ZNF841: variants seen among roughly 807,000 people sequenced by gnomAD.
ZNF841 encodes TCONS_00006091.
ZNF841 carries 11 observed loss-of-function variants against 13.0 expected under a neutral mutation model. That is an observed-to-expected ratio of 0.85 (90% confidence interval 0.53 to 1.40). ZNF841 has a LOEUF of 1.40. Among genes scored for constraint, ZNF841 ranks in the 40% most tolerant of loss-of-function variants. ZNF841 has a pLI of 0.00. For missense variants in ZNF841, 1,068 were observed against 1,139.5 expected (o/e 0.94, Z 0.90); for synonymous variants, 369 against 381.6 (o/e 0.97, Z 0.38).
intron 6 of ZNF841, among the ~76,000 whole-genome samples, chr19:52,070,374 G>A (rs1382816650): frequency 1.3e-5 from 2 of 152,166 alleles, no homozygotes; most frequent in Admixed American, 6.5e-5. Context: ...TGCCTGTAGT[G>A]GACAAGGGCC....
chr19:52,077,384 C>T (rs116186151), intron 4 of ZNF841, among the ~76,000 whole-genome samples: 2 of 152,248 alleles, frequency 1.3e-5, no homozygotes, highest in African/African-American at 4.8e-5. Context: ...GTGAGGTGTC[C>T]AGATGAGCTA....
In ZNF841 at chr19:52,067,068, C is replaced by T; in HGVS notation, c.814G>A (p.Val272Met). The change falls in exon 7 of 7, where the codon GTG (valine) becomes ATG (methionine). Residue 272 changes from valine (V) to methionine (M), a missense_variant. Physicochemically the swap from Val to Met is conservative, Grantham distance 21. Coordinates refer to ENST00000594440, the MANE Select transcript of ZNF841 (RefSeq NM_001136499.2). The part of the protein sequence containing the change: ...IGNECGKAFR[V>M]SSSLINHQMI... ...TGATGATTAATAAGACTTGAAGACA[C>T]TCTGAAGGCTTTGCCACACTCATTA... 1 of 1,608,988 alleles carries T rather than the reference C, an allele frequency of 6.2e-7. No individual in the cohort carries two copies. Among genetic ancestry groups the T allele is most frequent in the South Asian group, 1.1e-5 (1 of 90,466 alleles).
chr19:52,060,682 A>G (rs2087382120), downstream of ZNF841, among the ~76,000 whole-genome samples: 1 of 152,266 alleles, frequency 6.6e-6, no homozygotes, highest in South Asian at 2.1e-4. Flanking sequence ...CCTGCCCAGA[A>G]AGGGAAAAGA....
intron 6 of ZNF841, among the ~76,000 whole-genome samples, chr19:52,074,650 G>A (rs966366180): frequency 1.3e-4 from 20 of 152,144 alleles, no homozygotes; most frequent in Non-Finnish European, 2.5e-4. Flanking sequence ...CCGAGTAGCT[G>A]GGATTACAGG....
intron 4 of ZNF841, among the ~76,000 whole-genome samples, chr19:52,084,549 C>T (rs2088206704): frequency 6.6e-6 from 1 of 152,184 alleles, no homozygotes; most frequent in Non-Finnish European, 1.5e-5. Context: ...CCATCCATGT[C>T]TGGGTGTGAG....
intron 3 of ZNF841, among the ~76,000 whole-genome samples, chr19:52,086,635 G>A (rs866367233): frequency 7.2e-5 from 11 of 152,170 alleles, no homozygotes; most frequent in African/African-American, 2.7e-4. Flanking sequence ...AAAGACAGTG[G>A]GTGTGGACAG....
chr19:52,064,307 C>T (rs1023397176), downstream of ZNF841, among the ~76,000 whole-genome samples: 7 of 133,576 alleles, frequency 5.2e-5, no homozygotes, highest in Non-Finnish European at 1.1e-4. Context: ...GATTGCGCCA[C>T]TGCAGTCCGC....
intron 1 of ZNF841, 62 bp from the exon 2 acceptor site, chr19:52,094,033 C>T (rs2088592011): frequency 6.6e-6 from 1 of 152,012 alleles, no homozygotes; most frequent in Non-Finnish European, 1.5e-5. Context: ...CCAAAAAAAA[C>T]ACCAAAGACA....
intron 4 of ZNF841, 46 bp from the exon 5 acceptor site, chr19:52,077,130 A>T (rs1182635846): frequency 2.6e-6 from 4 of 1,547,816 alleles, no homozygotes; most frequent in Non-Finnish European, 3.5e-6. Flanking sequence ...GTGAGCTCTT[A>T]TCTTTACATA....
chr19:52,094,496 G>C (rs1043329876), intron 1 of ZNF841, among the ~76,000 whole-genome samples: 13 of 151,456 alleles, frequency 8.6e-5, no homozygotes, highest in Non-Finnish European at 1.6e-4. Context: ...TTCACCTCTC[G>C]TAGCTCTTTC....
At chr19:52,076,865 T>C (rs2123287386) in intron 5 of ZNF841, 93 bp downstream of exon 5, 2 of 1,483,772 alleles carry the variant, frequency 1.3e-6, no homozygotes, top group Admixed American at 1.9e-5. Context: ...TCAGTCTCTG[T>C]CAAATAATGT....
downstream of ZNF841, among the ~76,000 whole-genome samples, chr19:52,061,629 C>A (rs1456604466): frequency 3.3e-5 from 5 of 152,206 alleles, no homozygotes; most frequent in Admixed American, 6.5e-5. Context: ...TCACTGCAAC[C>A]TCCACCTCCC....
chr19:52,093,384 G>A (rs1337213261), intron 2 of ZNF841, among the ~76,000 whole-genome samples: 1 of 152,148 alleles, frequency 6.6e-6, no homozygotes, highest in Non-Finnish European at 1.5e-5. Context: ...GACAATTACT[G>A]TATGACCTCA....
At chr19:52,059,560 T>A (rs2087363951), downstream of ZNF841, among the ~76,000 whole-genome samples, 1 of 151,820 alleles carries the variant, frequency 6.6e-6, no homozygotes, top group Non-Finnish European at 1.5e-5. Flanking sequence ...TGTGCAAGTA[T>A]ATCAACAGGA....
At chr19:52,072,740 A>T (rs1600086138) in intron 6 of ZNF841, among the ~76,000 whole-genome samples, 1 of 152,232 alleles carries the variant, frequency 6.6e-6, no homozygotes, top group South Asian at 2.1e-4. Context: ...AATCGCTTGA[A>T]CCCAGGAAGT....
intron 5 of ZNF841, among the ~76,000 whole-genome samples, chr19:52,076,756 A>G (rs532818747): frequency 1.3e-5 from 2 of 152,236 alleles, no homozygotes; most frequent in East Asian, 3.9e-4. Context: ...TGGAGTCACC[A>G]CTAATGTACA....
the ZNF841 span, among the ~76,000 whole-genome samples, chr19:52,059,370 A>AAAAAAAATAT: frequency 2.9e-5 from 2 of 69,648 alleles, no homozygotes; most frequent in Admixed American, 2.1e-4. Context: ...AAAAAAAAAA[A>AAAAAAAATAT]ATATATATAT....
chr19:52,080,378 T>C (rs1307282439), intron 4 of ZNF841, among the ~76,000 whole-genome samples: 1 of 152,160 alleles, frequency 6.6e-6, no homozygotes, highest in Non-Finnish European at 1.5e-5. Flanking sequence ...GCAAACAGTA[T>C]AGAAGCTCTG....
At chr19:52,077,543 G>A (rs6509620) in intron 4 of ZNF841, among the ~76,000 whole-genome samples, 46,872 of 152,046 alleles carry the variant, frequency 0.31, 7,675 homozygotes, top group South Asian at 0.58. Flanking sequence ...AAGGATTTAC[G>A]TGTTCTAACT....
Sources: allele counts gnomAD v4.1 joint callset (sites outside exome capture counted in the v4.1 genomes callset), GRCh38; gene constraint gnomAD v4.1.1; transcripts MANE v1.5; gene names NCBI Gene and HGNC (gene_info 2026-07-23, HGNC 2026-07-21).